Variants in TENM1 observed in about 807,000 individuals in gnomAD.
The protein encoded by TENM1 is teneurin-1.
In TENM1, 35 loss-of-function variants were observed where a neutral mutation model predicts 174.8. The ratio of observed to expected loss-of-function variants is 0.20; its 90% CI spans 0.15 to 0.27. The LOEUF (loss-of-function observed/expected upper bound fraction) is 0.27. Ranked by LOEUF, TENM1 falls within the 10% of genes least tolerant of loss-of-function variation. TENM1 has a pLI of 1.00. For synonymous variants in TENM1, 781 were observed against 798.7 expected (o/e 0.98, Z 0.37); for missense variants, 1,633 against 2,130.1 (o/e 0.77, Z 4.59).
At chrX:124,542,815 T>C (rs1365098780) in intron 15 of TENM1, among the ~76,000 whole-genome samples, 1 of 111,318 alleles carries the variant, frequency 9.0e-6, no homozygotes, top group Non-Finnish European at 1.9e-5. Context: ...TCATGAGATA[T>C]GCAAAGGTAC....
chrX:124,407,325 T>G (rs192433728), intron 25 of TENM1, among the ~76,000 whole-genome samples: 108 of 111,620 alleles, frequency 9.7e-4, no homozygotes, highest in African/African-American at 3.2e-3. Flanking sequence ...TTATTGCCAA[T>G]AGAACCATGA....
the TENM1 span, among the ~76,000 whole-genome samples, chrX:125,021,451 G>C: frequency 9.0e-6 from 1 of 111,352 alleles, no homozygotes; most frequent in African/African-American, 3.3e-5. Flanking sequence ...CAAGCAAATA[G>C]CTCAGAAATA....
chrX:125,018,388 T>C, the TENM1 span, among the ~76,000 whole-genome samples: 1 of 111,528 alleles, frequency 9.0e-6, no homozygotes, highest in Admixed American at 9.6e-5. Context: ...CATTTTTATG[T>C]TTTTTATACT....
At chrX:124,377,138 A>G (rs1462033882) in exon 32 of TENM1, 1 of 110,997 alleles carries the variant, frequency 9.0e-6, no homozygotes, top group Non-Finnish European at 1.9e-5. Flanking sequence ...TTTAAAGAAA[A>G]AAAAAAGAAA....
chrX:125,028,504 G>A, the TENM1 span, among the ~76,000 whole-genome samples: 1 of 111,286 alleles, frequency 9.0e-6, no homozygotes, highest in South Asian at 3.8e-4. Context: ...CATATAGAGG[G>A]GAACAACATA....
chrX:125,068,970 A>G, the TENM1 span, among the ~76,000 whole-genome samples: 22 of 111,963 alleles, frequency 2.0e-4, no homozygotes, highest in African/African-American at 7.1e-4. Flanking sequence ...ACAATAAAGA[A>G]CATGTACATT....
chrX:124,457,940 G>C (rs1053514058), intron 22 of TENM1, among the ~76,000 whole-genome samples: 1 of 111,659 alleles, frequency 9.0e-6, no homozygotes, highest in Non-Finnish European at 1.9e-5. Flanking sequence ...TATAGCCCTA[G>C]CAACAAGAAA....
intron 3 of TENM1, among the ~76,000 whole-genome samples, chrX:124,797,516 T>C (rs1329872279): frequency 2.7e-5 from 3 of 111,179 alleles, no homozygotes. Context: ...CTTGGTTGCA[T>C]TTTTCAGAGA....
intron 14 of TENM1, among the ~76,000 whole-genome samples, chrX:124,547,898 A>G (rs374556938): frequency 2.7e-5 from 3 of 112,138 alleles, no homozygotes; most frequent in East Asian, 5.6e-4. Flanking sequence ...GTGCAGTGGC[A>G]CAATCTCGGC....
the TENM1 span, among the ~76,000 whole-genome samples, chrX:125,055,751 T>C: frequency 1.8e-5 from 2 of 111,759 alleles, no homozygotes; most frequent in East Asian, 2.8e-4. Flanking sequence ...AGAGTTTCAT[T>C]ATAAACCTGA....
chrX:125,049,801 C>T, the TENM1 span, among the ~76,000 whole-genome samples: 1 of 110,935 alleles, frequency 9.0e-6, no homozygotes, highest in Admixed American at 9.6e-5. Context: ...TCTTCTCATG[C>T]TCTTATTGGT....
exon 32 of TENM1, chrX:124,380,632 A>C (rs1369627120): frequency 8.3e-7 from 1 of 1,211,232 alleles, no homozygotes; most frequent in Non-Finnish European, 1.1e-6. Context: ...CAAAATACCC[A>C]TCGTAACCTT....
intron 3 of TENM1, among the ~76,000 whole-genome samples, chrX:124,760,999 C>T (rs2054397151): frequency 8.9e-6 from 1 of 111,909 alleles, no homozygotes; most frequent in South Asian, 3.7e-4. Context: ...AATGAGATAC[C>T]ATTTCACACC....
chrX:124,638,377 G>A (rs2050931232), intron 11 of TENM1, among the ~76,000 whole-genome samples: 1 of 111,575 alleles, frequency 9.0e-6, no homozygotes. Flanking sequence ...CAACTGGAGA[G>A]TAGTACATTA....
chrX:125,039,187 T>C, the TENM1 span, among the ~76,000 whole-genome samples: 1 of 112,076 alleles, frequency 8.9e-6, no homozygotes, highest in African/African-American at 3.2e-5. Context: ...CACCTTTAGC[T>C]GGATTTATAG....
chrX:124,462,028 G>A (rs776993797), intron 22 of TENM1, among the ~76,000 whole-genome samples: 5 of 111,072 alleles, frequency 4.5e-5, no homozygotes, highest in Non-Finnish European at 7.5e-5. Flanking sequence ...TAATAAGGTC[G>A]TTTCATTTTC....
At chrX:124,773,313 G>A (rs913388655) in intron 3 of TENM1, among the ~76,000 whole-genome samples, 2 of 109,001 alleles carry the variant, frequency 1.8e-5, no homozygotes, top group African/African-American at 6.7e-5. Context: ...GATGGCAAGT[G>A]AATTTTGCTG....
chrX:124,601,811 T>C (rs1602760374), intron 11 of TENM1, among the ~76,000 whole-genome samples: 2 of 110,183 alleles, frequency 1.8e-5, no homozygotes, highest in Admixed American at 1.9e-4. Flanking sequence ...AATGGGGCAA[T>C]GGATTTTAGA....
chrX:125,047,584 T>G, the TENM1 span, among the ~76,000 whole-genome samples: 1 of 111,364 alleles, frequency 9.0e-6, no homozygotes, highest in East Asian at 2.8e-4. Context: ...CTGGAGCACA[T>G]TAGTATGTGC....
Sources: allele counts gnomAD v4.1 joint callset (sites outside exome capture counted in the v4.1 genomes callset), GRCh38; gene constraint gnomAD v4.1.1; transcripts MANE v1.5; gene names NCBI Gene and HGNC (gene_info 2026-07-23, HGNC 2026-07-21).